PDCD11: variants seen among roughly 807,000 people sequenced by gnomAD.
The protein encoded by PDCD11 is protein RRP5 homolog.
In PDCD11, 97 loss-of-function variants were observed where a neutral mutation model predicts 198.9. The observed-to-expected ratio is 0.49, with a 90% CI of 0.41 to 0.58. PDCD11 has a LOEUF of 0.58. Ranked by LOEUF, PDCD11 falls within the 20% of genes least tolerant of loss-of-function variation. PDCD11 has a pLI of 0.00. For missense variants in PDCD11, 2,102 were observed against 2,312.7 expected, an observed-to-expected ratio of 0.91 and a Z score of 1.87; for synonymous variants, 893 against 918.0, an observed-to-expected ratio of 0.97 and a Z score of 0.49.
chr10:103,415,097 C>T lies in PDCD11; in HGVS notation c.1464C>T (p.Ile488=). ...GLVPPMHLAD[I]LMKNPEKKYH... ...TACCTCCCATGCACCTGGCTGACAT[C>T]CTGATGAAGAATCCGGAGAAGAAGT... Residue 488 remains isoleucine, a synonymous_variant, in exon 12 of 36, where the codon ATC becomes ATT. Coordinates refer to ENST00000369797, the MANE Select transcript of PDCD11 (RefSeq NM_014976.2). 2 of 1,614,098 alleles carry T rather than the reference C, an allele frequency of 1.2e-6. No homozygotes were observed. Among genetic ancestry groups the T allele is most frequent in the South Asian group, 2.2e-5 (2 of 91,074 alleles).
chr10:103,414,177 G>A, intron 10 of PDCD11, 87 bp downstream of exon 10: 2 of 1,582,490 alleles, frequency 1.3e-6, no homozygotes, highest in Non-Finnish European at 8.6e-7. Context: ...CTTGGGAAGG[G>A]TTTTCTTTCT....
rs748432496 is a variant in PDCD11 at position 103,438,730 on chromosome 10, A to G, written c.3947A>G (p.Asn1316Ser). ...TKSKVEDPEINSIQDIKEGQL... is the reference protein window; with the variant it reads ...TKSKVEDPEISSIQDIKEGQL... ...AGCAAAGTAGAAGATCCAGAGATTA[A>G]CTCCATCCAGGACATTAAGGAAGGG... Residue 1316 changes from asparagine to serine, a missense_variant, in exon 27 of 36, where the codon AAC becomes AGC. Asn to Ser is a conservative substitution (Grantham distance 46). Coordinates refer to ENST00000369797, the MANE Select transcript of PDCD11 (RefSeq NM_014976.2). The G allele has an allele frequency of 6.2e-7, 1 of 1,614,114 alleles. No individual in the cohort carries two copies. Among genetic ancestry groups the G allele is most frequent in the Non-Finnish European group, 8.5e-7 (1 of 1,180,018 alleles).
intron 13 of PDCD11, among the ~76,000 whole-genome samples, chr10:103,417,179 CTTT>C (rs112206729): frequency 6.8e-6 from 1 of 146,678 alleles, no homozygotes; most frequent in Non-Finnish European, 1.5e-5. Context: ...TTTTCTTTTC[CTTT>C]TTTTTTTTGA....
intron 1 of PDCD11, among the ~76,000 whole-genome samples, chr10:103,398,012 T>A (rs557693360): frequency 2.7e-4 from 41 of 152,358 alleles, no homozygotes; most frequent in Non-Finnish European, 5.1e-4. Context: ...CCTTCCTACA[T>A]CTTTGTGATC....
chr10:103,403,793 G>T (rs899738544), intron 4 of PDCD11, among the ~76,000 whole-genome samples: 2 of 152,176 alleles, frequency 1.3e-5, no homozygotes, highest in African/African-American at 4.8e-5. Flanking sequence ...TCCTGAGATT[G>T]ATGGTGACCT....
Position 103,422,171 on chromosome 10 carries a change from C to G in PDCD11, c.2497+604C>G, listed in dbSNP as rs951942144. Among the ~76,000 whole-genome samples, 5 of 150,590 alleles carry G rather than the reference C, an allele frequency of 3.3e-5. No individual in the cohort carries two copies. In the East Asian group the frequency reaches 7.8e-4, roughly 24 times the overall value. On this transcript the variant is annotated intron_variant, in intron 17 of 35. Coordinates refer to ENST00000369797, the MANE Select transcript of PDCD11 (RefSeq NM_014976.2). ...ATCTTGGCCACTGCAACTTCCACCC[C>G]CCAGGTTCAAGCGATTCTCCTTCCT...
At chr10:103,400,621 A>G in intron 3 of PDCD11, 93 bp downstream of exon 3, 1 of 1,297,300 alleles carries the variant, frequency 7.7e-7, no homozygotes, top group Non-Finnish European at 1.1e-6. Context: ...TTTTTCCCTT[A>G]ATTCCATTTT....
intron 16 of PDCD11, among the ~76,000 whole-genome samples, chr10:103,420,831 C>G (rs560234816): frequency 1.3e-5 from 2 of 151,800 alleles, no homozygotes; most frequent in Non-Finnish European, 2.9e-5. Flanking sequence ...ACTGGGTGCC[C>G]TCTCCTGGAG....
rs545857919 is a variant in PDCD11 at position 103,444,315 on chromosome 10, G to T, written c.5279-202G>T. 10 of 629,012 alleles carry T rather than the reference G, an allele frequency of 1.6e-5. No individual in the cohort carries two copies. The African/African-American group carries it at 1.8e-4, about 12-fold the overall frequency. 39.0% of individuals were successfully genotyped at this position (629,012 alleles called of 1,614,324 possible). On this transcript the variant is annotated intron_variant, in intron 34 of 35. Coordinates refer to ENST00000369797, the MANE Select transcript of PDCD11 (RefSeq NM_014976.2). ...CCCTGGGATCCCCCACCTCTTCTGT[G>T]CCCAGAGAGTGGTGTGTCTGCAGTG...
chr10:103,424,030 G>T (rs928355806), intron 19 of PDCD11, among the ~76,000 whole-genome samples: 1 of 152,188 alleles, frequency 6.6e-6, no homozygotes, highest in Non-Finnish European at 1.5e-5. Flanking sequence ...GTGGGAATCT[G>T]GGGCTACTGC....
chr10:103,440,998 G>T (rs1054029884), intron 30 of PDCD11, 148 bp downstream of exon 30: 1 of 603,590 alleles, frequency 1.7e-6, no homozygotes, highest in Non-Finnish European at 3.0e-6. Flanking sequence ...GCTCCTTGAG[G>T]ACAAGGGACC....
In PDCD11 at chr10:103,434,244, C is replaced by A; in HGVS notation, c.3565-4C>A. The A allele has an allele frequency of 6.2e-7, 1 of 1,603,286 alleles. No homozygotes were observed. The highest frequency in any genetic ancestry group is 8.5e-7 in the Non-Finnish European group (1 of 1,170,254). On this transcript the variant is annotated splice_region_variant and splice_polypyrimidine_tract_variant and intron_variant, in intron 23 of 35. Coordinates refer to ENST00000369797, the MANE Select transcript of PDCD11 (RefSeq NM_014976.2). ...GCATCACAGGAGTTTTTTTATCCTT[C>A]CAGGTTCTGAAGCATCCAGATAAGA...
intron 15 of PDCD11, among the ~76,000 whole-genome samples, chr10:103,419,237 T>G (rs1197640422): frequency 6.6e-6 from 1 of 152,144 alleles, no homozygotes; most frequent in Non-Finnish European, 1.5e-5. Context: ...TCTAGTAATC[T>G]GCAGATTAGT....
chr10:103,404,860 G>A (rs931020382), intron 4 of PDCD11, among the ~76,000 whole-genome samples, 162 bp from the exon 5 acceptor site: 1 of 152,184 alleles, frequency 6.6e-6, no homozygotes, highest in African/African-American at 2.4e-5. Context: ...ACTGTGGCTA[G>A]GCCACAGACC....
In PDCD11 at chr10:103,444,542, C is replaced by T; in HGVS notation, c.5304C>T (p.Ala1768=). 1 of 1,614,144 alleles carries T rather than the reference C, an allele frequency of 6.2e-7. No homozygotes were observed. Among genetic ancestry groups the T allele is most frequent in the Non-Finnish European group, 8.5e-7 (1 of 1,180,012 alleles). The change falls in exon 35 of 36, where the codon GCC becomes GCT. Residue 1768 remains alanine (A), a synonymous_variant. Coordinates refer to ENST00000369797, the MANE Select transcript of PDCD11 (RefSeq NM_014976.2). ...ATGTGGATGTCATTGCCAAGTTTGC[C>T]CAGCTTGAGTTTCAGCTGGGGGATG... ...KEHVDVIAKF[A]QLEFQLGDAE...
intron 11 of PDCD11, 52 bp from the exon 12 acceptor site, chr10:103,414,953 G>T: frequency 6.2e-7 from 1 of 1,601,656 alleles, no homozygotes; most frequent in South Asian, 1.1e-5. Context: ...GTAAGAGGTG[G>T]GGGAAAGGCC....
intron 11 of PDCD11, 47 bp from the exon 12 acceptor site, chr10:103,414,958 A>G: frequency 6.2e-7 from 1 of 1,606,024 alleles, no homozygotes. Context: ...AGGTGGGGGA[A>G]AGGCCATTCT....
chr10:103,404,758 G>C (rs1277596542), intron 4 of PDCD11, among the ~76,000 whole-genome samples: 1 of 152,226 alleles, frequency 6.6e-6, no homozygotes, highest in African/African-American at 2.4e-5. Flanking sequence ...AAGGGATGAA[G>C]TAGAGGCAGA....
At chr10:103,424,481 T>C (rs2031595446) in intron 19 of PDCD11, among the ~76,000 whole-genome samples, 1 of 152,184 alleles carries the variant, frequency 6.6e-6, no homozygotes, top group African/African-American at 2.4e-5. Flanking sequence ...CTTGGGCATA[T>C]AAGAGCATGA....
Sources: allele counts gnomAD v4.1 joint callset (sites outside exome capture counted in the v4.1 genomes callset), GRCh38; gene constraint gnomAD v4.1.1; transcripts MANE v1.5; gene names NCBI Gene and HGNC (gene_info 2026-07-23, HGNC 2026-07-21).